The following SRP72 variants were observed in gnomAD, a reference collection of about 807,000 sequenced individuals.
SRP72 encodes the protein signal recognition particle 72, also known as signal recognition particle subunit SRP72.
Under a neutral mutation model 96.3 loss-of-function variants are expected in SRP72, and 49 were observed. That is an observed-to-expected ratio of 0.51 (90% CI 0.40 to 0.65). The LOEUF is 0.65. Among genes scored for constraint, SRP72 ranks in the 30% least tolerant of loss-of-function variants. SRP72 has a pLI of 0.00. For missense variants in SRP72, 736 were observed against 793.3 expected (o/e 0.93, Z 0.87); for synonymous variants, 267 against 275.2 (o/e 0.97, Z 0.30).
rs1438017111 is a variant in SRP72 at position 56,474,178 on chromosome 4, A to G, written c.479A>G (p.Asn160Ser). The change falls in exon 4 of 19, where the codon AAT (asparagine) becomes AGT (serine). Residue 160 changes from asparagine to serine, a missense_variant. Around this residue, in one of 3 missense-constraint regions of SRP72, gnomAD observed 329 missense variants for 319.0 expected, o/e 1.03. Transcript: ENST00000642900. ...NLSAVVAAQS[N>S]WEKVVPENLG... ...TCAGCAGTTGTTGCAGCTCAAAGCA[A>G]TTGGGAAAAAGTGGTTCCAGTGAGT... 7.4e-6 allele frequency: 12 copies of G among 1,614,136 alleles called. No homozygotes were observed. Among genetic ancestry groups the G allele is most frequent in the African/African-American group, 1.3e-5 (1 of 74,952 alleles).
rs781400356 is a variant in SRP72, at chr4:56,469,683, C to T, written c.140C>T (p.Ala47Val). The change falls in exon 2 of 19, where the codon GCC (alanine) becomes GTC (valine). Residue 47 changes from alanine to valine, a missense_variant. This residue lies in a region of SRP72 where 329 missense variants were observed against 319.0 expected (regional missense o/e 1.03). Transcript: ENST00000642900. ...ILQINKDDVT[A>V]LHCKVVCLIQ... ...CAGATCAACAAAGATGACGTAACTG[C>T]CCTGCATTGTAAAGTGGTATGCCTT... 3 of 1,610,826 alleles carry T rather than the reference C, an allele frequency of 1.9e-6. No homozygotes were observed. The highest frequency in any genetic ancestry group is 2.5e-6 in the Non-Finnish European group (3 of 1,177,662).
At chr4:56,494,338 A>G (rs905621639) in intron 16 of SRP72, among the ~76,000 whole-genome samples, 1 of 151,634 alleles carries the variant, frequency 6.6e-6, no homozygotes, top group Admixed American at 6.6e-5. Context: ...TTCTCGAGTT[A>G]TATCACATAA....
intron 8 of SRP72, among the ~76,000 whole-genome samples, chr4:56,482,920 A>G (rs534187535): frequency 1.3e-5 from 2 of 152,330 alleles, no homozygotes; most frequent in African/African-American, 2.4e-5. Flanking sequence ...TGGGATAACT[A>G]TATGTACATG....
In SRP72 at chr4:56,500,087, C is replaced by T. The variant is rs536460800; in HGVS notation, c.1679-449C>T. Among the ~76,000 whole-genome samples, 11 of 149,744 alleles carry T rather than the reference C, an allele frequency of 7.3e-5. No homozygotes were observed. The South Asian group carries it at 2.3e-3, about 32-fold the overall frequency. ...AGGGACATGGATGAAGCTTTAAAAC[C>T]ATCAGTCTCAGCAAACTAACACAGG... On this transcript the variant is annotated intron_variant, in intron 17 of 18. Transcript: ENST00000642900.
intron 10 of SRP72, 124 bp downstream of exon 10, chr4:56,484,988 A>C: frequency 8.5e-7 from 1 of 1,173,694 alleles, no homozygotes; most frequent in Non-Finnish European, 1.1e-6. Flanking sequence ...CCACTACACA[A>C]ATTTCATTGT....
At chr4:56,488,121 G>T in intron 12 of SRP72, 108 bp downstream of exon 12, 2 of 690,260 alleles carry the variant, frequency 2.9e-6, no homozygotes. Flanking sequence ...TTTAAGGTAG[G>T]AGTAGTAATT....
At chr4:56,481,109 A>G (rs1361500228) in intron 8 of SRP72, among the ~76,000 whole-genome samples, 2 of 152,236 alleles carry the variant, frequency 1.3e-5, no homozygotes, top group Non-Finnish European at 2.9e-5. Context: ...ACATGAGAGA[A>G]CCAGCTAGAA....
intron 17 of SRP72, among the ~76,000 whole-genome samples, chr4:56,499,108 C>T (rs555885804): frequency 6.6e-6 from 1 of 152,212 alleles, no homozygotes; most frequent in African/African-American, 2.4e-5. Context: ...TCAGAAATAA[C>T]ACCACACATC....
At chr4:56,484,314 A>G (rs1275516498) in intron 9 of SRP72, among the ~76,000 whole-genome samples, 3 of 152,038 alleles carry the variant, frequency 2.0e-5, no homozygotes, top group Admixed American at 6.6e-5. Flanking sequence ...GATTACAGGC[A>G]TGAGCCACCA....
At position 56,489,470 on chromosome 4, in the gene SRP72, A is replaced by G. The variant is rs748519808; in HGVS notation, c.1307A>G (p.Tyr436Cys). The change falls in exon 13 of 19, where the codon TAT becomes TGT. Residue 436 changes from tyrosine (Y) to cysteine (C), a missense_variant. By Grantham distance (194) the Tyr-to-Cys change is radical (BLOSUM62 -2). Around this residue, in one of 3 missense-constraint regions of SRP72, gnomAD observed 388 missense variants for 431.8 expected, o/e 0.90. Transcript: ENST00000642900. ...IEVFTQAIQW[Y>C]QNHQPKSPAH... ...GTCTTCACACAAGCTATCCAGTGGT[A>G]TCAAAACCATCAGGTAAATAAATGG... 1.3e-6 allele frequency: 2 copies of G among 1,576,606 alleles called. No individual in the cohort carries two copies. The highest frequency in any genetic ancestry group is 1.7e-5 in the Admixed American group (1 of 59,348).
intron 2 of SRP72, among the ~76,000 whole-genome samples, chr4:56,471,221 G>A (rs1018988105): frequency 6.6e-6 from 1 of 152,234 alleles, no homozygotes; most frequent in Admixed American, 6.5e-5. Flanking sequence ...TAATGTAGAT[G>A]AATTTTTAAG....
In SRP72 at chr4:56,469,720, A is replaced by G. The variant is rs1210465339; in HGVS notation, c.177A>G (p.Gly59=). The change falls in exon 2 of 19, where the codon GGA becomes GGG. Residue 59 remains glycine, a synonymous_variant. Coordinates refer to ENST00000642900, the MANE Select transcript of SRP72 (RefSeq NM_006947.4). ...HCKVVCLIQN[G]SFKEALNVIN... ...AAGTGGTATGCCTTATCCAGAATGG[A>G]AGTTTCAAGGAAGCTTTGAATGTCA... is the stretch of plus-strand genomic sequence containing the variant. 6.2e-7 allele frequency: 1 copy of G among 1,612,834 alleles called. No homozygotes were observed. Among genetic ancestry groups the G allele is most frequent in the Non-Finnish European group, 8.5e-7 (1 of 1,179,074 alleles).
rs1268611841 is a variant in SRP72, at chr4:56,501,842, G to A, written c.1997G>A (p.Gly666Asp). ...AAACAGCAACAGAAAAAGAAGAAAG[G>A]TGGAAAAGGTGGCTGGTGATGAGAA... ...KKKQQQKKKK[G>D]GKGGW is the part of the protein sequence containing the mutation. Residue 666 changes from glycine (G) to aspartate (D), a missense_variant, in exon 19 of 19, where the codon GGT (glycine) becomes GAT (aspartate). Physicochemically the swap from Gly to Asp is moderately conservative, Grantham distance 94. Around this residue, in one of 3 missense-constraint regions of SRP72, gnomAD observed 388 missense variants for 431.8 expected, o/e 0.90. Coordinates refer to ENST00000642900, the MANE Select transcript of SRP72 (RefSeq NM_006947.4). 6.2e-7 allele frequency: 1 copy of A among 1,614,086 alleles called. No individual in the cohort carries two copies. The highest frequency in any genetic ancestry group is 1.7e-5 in the Admixed American group (1 of 60,000).
intron 18 of SRP72, 28 bp downstream of exon 18, chr4:56,500,723 A>T: frequency 6.3e-7 from 1 of 1,593,058 alleles, no homozygotes; most frequent in Non-Finnish European, 8.6e-7. Flanking sequence ...AATTGAGGGC[A>T]CTTAGAACAT....
At chr4:56,493,669 A>C (rs1397679616) in intron 16 of SRP72, among the ~76,000 whole-genome samples, 1 of 152,094 alleles carries the variant, frequency 6.6e-6, no homozygotes, top group Non-Finnish European at 1.5e-5. Flanking sequence ...GTTCGAAACC[A>C]GCCTGGACAA....
chr4:56,494,356 TAG>T (rs1721007039), intron 16 of SRP72, among the ~76,000 whole-genome samples: 1 of 151,988 alleles, frequency 6.6e-6, no homozygotes, highest in Admixed American at 6.6e-5. Context: ...TAAGAATATA[TAG>T]AGAGATGTAT....
In SRP72 at chr4:56,500,695, T is replaced by C. The variant is rs781585137; in HGVS notation, c.1838T>C (p.Leu613Pro). ...QGATAGASSE[L>P]DASKTVSSPP... ...GCAACTGCAGGAGCTTCATCTGAACTGTAAGTTATTGCTCCACAATTGAGG... is the reference window on the plus strand; with the variant it reads ...GCAACTGCAGGAGCTTCATCTGAACCGTAAGTTATTGCTCCACAATTGAGG... The change falls in exon 18 of 19, where the codon CTG becomes CCG. Residue 613 changes from leucine to proline, a missense_variant and splice_region_variant. Leu to Pro is a moderately conservative substitution (Grantham distance 98). Coordinates refer to ENST00000642900, the MANE Select transcript of SRP72 (RefSeq NM_006947.4). The C allele has an allele frequency of 1.4e-5, 23 of 1,611,562 alleles. No individual in the cohort carries two copies. In the Middle Eastern group the frequency reaches 6.6e-4, roughly 46 times the overall value.
intron 9 of SRP72, among the ~76,000 whole-genome samples, chr4:56,484,051 T>TTTTTTTTTTTTTTTC (rs1560682047): frequency 1.4e-5 from 2 of 142,716 alleles, no homozygotes; most frequent in African/African-American, 5.3e-5. Context: ...TTTTTTTTTT[T>TTTTTTTTTTTTTTTC]GAGATGGAGT....
intron 15 of SRP72, 134 bp from the exon 16 acceptor site, chr4:56,491,297 A>G: frequency 1.1e-6 from 1 of 902,304 alleles, no homozygotes; most frequent in South Asian, 2.0e-5. Context: ...ATTTAGGAAC[A>G]TTTTTTGCTT....
Sources: gnomAD v4.1 joint callset for allele counts (sites outside exome capture counted in the v4.1 genomes callset) on GRCh38, gnomAD v4.1.1 for gene constraint, gnomAD v4.1.1 regional missense constraint, MANE v1.5 for transcripts, NCBI Gene and HGNC (gene_info 2026-07-23, HGNC 2026-07-21) for gene names.